Variants in SLCO5A1 observed in about 807,000 individuals in gnomAD.
SLCO5A1 encodes solute carrier organic anion transporter family member 5A1, also known as organic anion transporter polypeptide-related protein 4.
A neutral mutation model predicts 65.1 loss-of-function variants in SLCO5A1; 39 were observed. The ratio of observed to expected loss-of-function variants is 0.60; its 90% CI spans 0.46 to 0.78. SLCO5A1 has a LOEUF of 0.78. Among genes scored for constraint, SLCO5A1 ranks in the 30% least tolerant of loss-of-function variants. SLCO5A1 has a pLI of 0.00. For missense variants in SLCO5A1, 1,029 were observed against 1,069.4 expected, an observed-to-expected ratio of 0.96 and a Z score of 0.53; for synonymous variants, 438 against 415.7, an observed-to-expected ratio of 1.05 and a Z score of -0.65.
intron 4 of SLCO5A1, among the ~76,000 whole-genome samples, chr8:69,750,145 G>C (rs190775183): frequency 1.3e-5 from 2 of 152,300 alleles, no homozygotes; most frequent in East Asian, 3.9e-4. Flanking sequence ...AGGTCATAAA[G>C]GAGTGGACTT....
intron 2 of SLCO5A1, among the ~76,000 whole-genome samples, chr8:69,813,614 C>A (rs181996830): frequency 1.3e-5 from 2 of 152,282 alleles, no homozygotes; most frequent in African/African-American, 4.8e-5. Context: ...AGCTGTCCTA[C>A]GACATCTCTC....
chr8:69,777,938 A>G (rs958839462), intron 2 of SLCO5A1, among the ~76,000 whole-genome samples: 1 of 152,224 alleles, frequency 6.6e-6, no homozygotes, highest in African/African-American at 2.4e-5. Flanking sequence ...ATAATCTCAC[A>G]TCACCACAAG....
chr8:69,769,974 C>T (rs1818244732), intron 2 of SLCO5A1, among the ~76,000 whole-genome samples: 1 of 152,036 alleles, frequency 6.6e-6, no homozygotes, highest in Non-Finnish European at 1.5e-5. Context: ...CAAATAATAC[C>T]ACAGTGACAA....
Position 69,679,381 on chromosome 8 carries a change from A to T in SLCO5A1, c.2021T>A (p.Leu674His). Residue 674 changes from leucine to histidine, a missense_variant, in exon 8 of 10, where the codon CTC (leucine) becomes CAC (histidine). Physicochemically the swap from Leu to His is moderately conservative, Grantham distance 99. This residue lies in a region of SLCO5A1 where 258 missense variants were observed against 237.4 expected (regional missense o/e 1.09). Transcript: ENST00000260126. ...CAQPSAIIVTLRSVEDEERPF... is the reference protein window; with the variant it reads ...CAQPSAIIVTHRSVEDEERPF... ...AGAAGTTGAATGCTGTTCTCACCTGAGTGTTACTATGATAGCTGATGGTTG... is the reference window on the plus strand; with the variant it reads ...AGAAGTTGAATGCTGTTCTCACCTGTGTGTTACTATGATAGCTGATGGTTG... The T allele has an allele frequency of 6.2e-7, 1 of 1,614,168 alleles. No individual in the cohort carries two copies. Among genetic ancestry groups the T allele is most frequent in the Non-Finnish European group, 8.5e-7 (1 of 1,180,020 alleles).
intron 2 of SLCO5A1, among the ~76,000 whole-genome samples, chr8:69,827,330 T>A (rs1229850938): frequency 6.6e-6 from 1 of 152,046 alleles, no homozygotes; most frequent in Non-Finnish European, 1.5e-5. Context: ...AAAATTATAG[T>A]CTAGTTGCTA....
At chr8:69,819,617 A>C (rs1031255032) in intron 2 of SLCO5A1, among the ~76,000 whole-genome samples, 7 of 152,230 alleles carry the variant, frequency 4.6e-5, no homozygotes, top group African/African-American at 1.7e-4. Context: ...AAAGAATCAG[A>C]AAAACTAATG....
intron 2 of SLCO5A1, among the ~76,000 whole-genome samples, chr8:69,822,963 C>T (rs1397006568): frequency 6.6e-6 from 1 of 152,204 alleles, no homozygotes; most frequent in Non-Finnish European, 1.5e-5. Flanking sequence ...CAGCACCCAC[C>T]CTGCTTAACT....
Position 69,787,641 on chromosome 8 carries a change from A to G in SLCO5A1, c.908-25766T>C, listed in dbSNP as rs139456662. Among the ~76,000 whole-genome samples the G allele has an allele frequency of 2.7e-3, 405 of 152,372 alleles. 2 individuals carry two copies. The highest frequency in any genetic ancestry group is 0.01 in the Middle Eastern group (3 of 294). On this transcript the variant is annotated intron_variant, in intron 2 of 9. Transcript: ENST00000260126. Reference sequence around the variant, plus strand: ...TTCTGCAACAAACGAACAAGTATTCACACTAAGTATGATTTTGAAAATAGC... The same window carrying G: ...TTCTGCAACAAACGAACAAGTATTCGCACTAAGTATGATTTTGAAAATAGC...
chr8:69,716,263 G>A (rs1180395014), intron 5 of SLCO5A1, among the ~76,000 whole-genome samples: 2 of 152,100 alleles, frequency 1.3e-5, no homozygotes, highest in Admixed American at 6.5e-5. Context: ...CTACTTTTTG[G>A]TTATTATGAA....
chr8:69,719,555 T>C (rs1815721076), intron 5 of SLCO5A1: 1 of 152,230 alleles, frequency 6.6e-6, no homozygotes, highest in Admixed American at 6.5e-5. Flanking sequence ...ATAGAATGAA[T>C]TGCTGTATTA....
In SLCO5A1 at chr8:69,832,233, C is replaced by T. The variant is rs143302249; in HGVS notation, c.441G>A (p.Gly147=). The T allele has an allele frequency of 1.1e-5, 18 of 1,614,044 alleles. No homozygotes were observed. The African/African-American group carries it at 1.5e-4, about 13-fold the overall frequency. ...LTFIQALMVS[G]YLSSVITTIE... ...TGGTGGTAATTACGCTGCTCAGGTA[C>T]CCAGAGACCATTAACGCCTGGATGA... The change falls in exon 2 of 10, where the codon GGG becomes GGA. Residue 147 remains glycine (G), a synonymous_variant. Coordinates refer to ENST00000260126, the MANE Select transcript of SLCO5A1 (RefSeq NM_030958.3). The surrounding 1 kb of genome is among the most constrained non-coding windows in gnomAD (Gnocchi z 4.5).
In SLCO5A1 at chr8:69,755,610, T is replaced by A. The variant is rs34036248; in HGVS notation, c.1072A>T (p.Met358Leu). 12 of 1,613,782 alleles carry A rather than the reference T, an allele frequency of 7.4e-6. No individual in the cohort carries two copies. In the East Asian group the frequency reaches 2.7e-4, roughly 36 times the overall value. The change falls in exon 4 of 10, where the codon ATG becomes TTG. Residue 358 changes from methionine (M) to leucine (L), a missense_variant. By Grantham distance (15) the Met-to-Leu change is conservative. Transcript: ENST00000260126. Reference protein sequence around the residue: ...WSGFLLCAIAMFLVIFPMFTF... With the variant: ...WSGFLLCAIALFLVIFPMFTF... ...AACATTGGGAATATCACAAGAAACA[T>A]TGCAATGGCACAAAGGAGGAATCCA...
Position 69,832,968 on chromosome 8 carries a change from G to T in SLCO5A1, c.-295C>A, listed in dbSNP as rs1321449653. On this transcript the variant is annotated 5_prime_UTR_variant, in exon 2 of 10. Coordinates refer to ENST00000260126, the MANE Select transcript of SLCO5A1 (RefSeq NM_030958.3). This position sits in a 1 kb window ranked among gnomAD's most constrained non-coding sequence, Gnocchi z 4.5. ...CTCCGGGCGGTAGCTTGAGGCAGGC[G>T]CCTCGCGCGTCCCGGGCTCATCCCC... 5.0e-6 allele frequency: 2 copies of T among 399,900 alleles called. No individual in the cohort carries two copies. Among genetic ancestry groups the T allele is most frequent in the African/African-American group, 4.3e-5 (2 of 46,900 alleles). The allele number at this position is 399,900 out of a possible 1,614,324, so 24.8% of individuals were successfully genotyped here. A position where few individuals can be genotyped will look rare whatever the true frequency, so the allele number is the denominator to read the frequency against.
In SLCO5A1 at chr8:69,669,543, G is replaced by A. The variant is rs1813271708; in HGVS notation, c.*3326C>T. On this transcript the variant is annotated 3_prime_UTR_variant, in exon 10 of 10. Coordinates refer to ENST00000260126, the MANE Select transcript of SLCO5A1 (RefSeq NM_030958.3). The stretch of plus-strand genomic sequence containing the variant: ...AAAAATAATAAAATCAGCCGGGCAT[G>A]GTGGCTCATGCCTGTAATCCCAGCA... 6.6e-6 allele frequency: 1 copy of A among 152,152 alleles called. No individual in the cohort carries two copies. The allele number at this position is 152,152 out of a possible 1,614,324, so 9.4% of individuals were successfully genotyped here. A position where few individuals can be genotyped will look rare whatever the true frequency, so the allele number is the denominator to read the frequency against.
At chr8:69,720,787 C>CT (rs1272342482) in intron 5 of SLCO5A1, among the ~76,000 whole-genome samples, 3 of 152,182 alleles carry the variant, frequency 2.0e-5, no homozygotes, top group Non-Finnish European at 2.9e-5. Flanking sequence ...AATGACTACT[C>CT]TTTTTTTTCC....
intron 5 of SLCO5A1, among the ~76,000 whole-genome samples, chr8:69,720,573 C>A (rs769718088): frequency 2.4e-4 from 36 of 152,170 alleles, no homozygotes; most frequent in Non-Finnish European, 4.6e-4. Context: ...GTGGACAGAA[C>A]AAAAACAGGA....
chr8:69,672,522 T>G lies in SLCO5A1; in HGVS notation c.*347A>C, dbSNP rs534692326. 38 of 226,988 alleles carry G rather than the reference T, an allele frequency of 1.7e-4. No homozygotes were observed. Among genetic ancestry groups the G allele is most frequent in the African/African-American group, 8.3e-4 (37 of 44,576 alleles). The allele number at this position is 226,988 out of a possible 1,614,324, so 14.1% of individuals were successfully genotyped here. On this transcript the variant is annotated 3_prime_UTR_variant, in exon 10 of 10. Coordinates refer to ENST00000260126, the MANE Select transcript of SLCO5A1 (RefSeq NM_030958.3). ...AAGTCCTGGGCAAGCTCACCTTTGT[T>G]TGGAGTGTTAGTTAATGATATGCAC... is the stretch of plus-strand genomic sequence containing the variant.
rs1184293926 is a variant in SLCO5A1 at position 69,669,593 on chromosome 8, T to A, written c.*3276A>T. ...ACTTTGAGAGGCCAAGGCAGGTGGA[T>A]CACTTGAGGTCAGGAGTTCAAGACC... On this transcript the variant is annotated 3_prime_UTR_variant, in exon 10 of 10. Transcript: ENST00000260126. The A allele has an allele frequency of 6.6e-6, 1 of 152,120 alleles. No individual in the cohort carries two copies. Among genetic ancestry groups the A allele is most frequent in the Non-Finnish European group, 1.5e-5 (1 of 68,034 alleles). The allele number at this position is 152,120 out of a possible 1,614,324, so 9.4% of individuals were successfully genotyped here. A position where few individuals can be genotyped will look rare whatever the true frequency, so the allele number is the denominator to read the frequency against.
chr8:69,697,398 A>G (rs1255101119), intron 6 of SLCO5A1, among the ~76,000 whole-genome samples: 1 of 152,322 alleles, frequency 6.6e-6, no homozygotes, highest in African/African-American at 2.4e-5. Context: ...TCCAAAAAAA[A>G]ATTATATATA....
Sources: gnomAD v4.1 joint callset for allele counts (sites outside exome capture counted in the v4.1 genomes callset) on GRCh38, gnomAD v4.1.1 for gene constraint, gnomAD v4.1.1 regional missense constraint, Gnocchi (gnomAD v3.1) non-coding constraint, MANE v1.5 for transcripts, NCBI Gene and HGNC (gene_info 2026-07-23, HGNC 2026-07-21) for gene names.